The following AREL1 variants were observed in gnomAD, a reference collection of about 807,000 sequenced individuals.
The protein encoded by AREL1 is apoptosis resistant E3 ubiquitin protein ligase 1.
Under a neutral mutation model 99.0 loss-of-function variants are expected in AREL1, and 62 were observed. The ratio of observed to expected loss-of-function variants is 0.63; its 90% CI spans 0.51 to 0.77. AREL1 has a LOEUF of 0.77. AREL1 is among the 30% of genes least tolerant of loss of function. AREL1 has a pLI of 0.00. For missense variants in AREL1, 879 were observed against 1,027.6 expected, an observed-to-expected ratio of 0.86 and a Z score of 1.98; for synonymous variants, 380 against 376.5, an observed-to-expected ratio of 1.01 and a Z score of -0.11.
At position 74,670,834 on chromosome 14, in the gene AREL1, C is replaced by G; in HGVS notation, c.1536G>C (p.Glu512Asp). 1 of 1,614,142 alleles carries G rather than the reference C, an allele frequency of 6.2e-7. No individual in the cohort carries two copies. The highest frequency in any genetic ancestry group is 8.5e-7 in the Non-Finnish European group (1 of 1,179,998). Reference protein sequence around the residue: ...DWGGPRREWFELICKALFDTT... With the variant: ...DWGGPRREWFDLICKALFDTT... ...TATCAAATAGTGCTTTGCAGATTAG[C>G]TCAAACCATTCCCGGCGAGGCCCTC... The change falls in exon 13 of 20, where the codon GAG becomes GAC. Residue 512 changes from glutamate to aspartate, a missense_variant. Glu to Asp is a conservative substitution (Grantham distance 45). Coordinates refer to ENST00000356357, the MANE Select transcript of AREL1 (RefSeq NM_001039479.2).
rs1256727697 is a variant in AREL1, at chr14:74,663,798, T to C, written c.2394A>G (p.Thr798=). Residue 798 remains threonine (T), a synonymous_variant, in exon 20 of 20, where the codon ACA becomes ACG. Transcript: ENST00000356357. ...HTCFNQLCLP[T]YDSYEEVHRM... is the part of the protein sequence containing the mutation. ...TGTGCACCTCTTCATAGGAGTCATATGTAGGGAGGCACAGCTGGTTAAAAC... is the reference window on the plus strand; with the variant it reads ...TGTGCACCTCTTCATAGGAGTCATACGTAGGGAGGCACAGCTGGTTAAAAC... The C allele has an allele frequency of 1.2e-6, 2 of 1,614,010 alleles. No homozygotes were observed. Among genetic ancestry groups the C allele is most frequent in the Non-Finnish European group, 1.7e-6 (2 of 1,180,014 alleles).
chr14:74,663,669 C>A lies in AREL1; in HGVS notation c.*51G>T, dbSNP rs747808877. Reference sequence around the variant, plus strand: ...CAGTGGTTATGATGTCTGTAACTTGCGCCCAGAAGCTCCAGAGAGCATGGG... The same window carrying A: ...CAGTGGTTATGATGTCTGTAACTTGAGCCCAGAAGCTCCAGAGAGCATGGG... On this transcript the variant is annotated 3_prime_UTR_variant, in exon 20 of 20. Transcript: ENST00000356357. 6.5e-7 allele frequency: 1 copy of A among 1,546,408 alleles called. No individual in the cohort carries two copies. Among genetic ancestry groups the A allele is most frequent in the South Asian group, 1.1e-5 (1 of 89,412 alleles).
At chr14:74,685,770 A>G in intron 2 of AREL1, 110 bp from the exon 3 acceptor site, 1 of 863,894 alleles carries the variant, frequency 1.2e-6, no homozygotes, top group South Asian at 1.7e-5. Context: ...TCTCTAGTCC[A>G]GAGCCTTACT....
At chr14:74,667,682 G>C (rs971092895) in intron 15 of AREL1, 88 bp from the exon 16 acceptor site, 5 of 1,477,680 alleles carry the variant, frequency 3.4e-6, no homozygotes, top group Non-Finnish European at 4.5e-6. Context: ...TATAGACACA[G>C]ATTACTGACC....
chr14:74,687,865 A>G (rs2089780999), intron 2 of AREL1, among the ~76,000 whole-genome samples: 1 of 152,110 alleles, frequency 6.6e-6, no homozygotes. Context: ...AGAGAAATGC[A>G]TCTGAATTTC....
chr14:74,698,587 G>C (rs2090018907), intron 1 of AREL1, among the ~76,000 whole-genome samples: 1 of 152,184 alleles, frequency 6.6e-6, no homozygotes, highest in Non-Finnish European at 1.5e-5. Context: ...TAACCTCAAT[G>C]AACTTGGTCC....
chr14:74,683,542 G>A lies in AREL1; in HGVS notation c.244-9C>T. On this transcript the variant is annotated splice_polypyrimidine_tract_variant and intron_variant, in intron 4 of 19. Coordinates refer to ENST00000356357, the MANE Select transcript of AREL1 (RefSeq NM_001039479.2). ...CCGTTCTTATAGAATAACTGCCATG[G>A]GGAGAAGAAGGACACCTGTTAGCAA... The A allele has an allele frequency of 6.2e-7, 1 of 1,612,126 alleles. No individual in the cohort carries two copies. The highest frequency in any genetic ancestry group is 8.5e-7 in the Non-Finnish European group (1 of 1,178,296).
intron 5 of AREL1, 84 bp from the exon 6 acceptor site, chr14:74,676,836 G>T: frequency 8.6e-7 from 1 of 1,160,196 alleles, no homozygotes; most frequent in Non-Finnish European, 1.1e-6. Context: ...TCGCTCTTTC[G>T]CCCAGGCTGG....
chr14:74,701,250 A>G (rs1202887372), intron 1 of AREL1, among the ~76,000 whole-genome samples: 1 of 152,184 alleles, frequency 6.6e-6, no homozygotes, highest in African/African-American at 2.4e-5. Context: ...AAGGAGGCAA[A>G]GCAAACATGA....
At chr14:74,682,678 G>A (rs914436744) in intron 5 of AREL1, among the ~76,000 whole-genome samples, 1 of 152,302 alleles carries the variant, frequency 6.6e-6, no homozygotes, top group South Asian at 2.1e-4. Context: ...GGTCATAGGG[G>A]AGGATCCCTC....
chr14:74,666,848 T>C (rs1446359811), intron 17 of AREL1, among the ~76,000 whole-genome samples: 1 of 151,928 alleles, frequency 6.6e-6, no homozygotes, highest in African/African-American at 2.4e-5. Flanking sequence ...GCTTCCCAAG[T>C]AGCTGGGATT....
chr14:74,676,849 T>C (rs753849175), intron 5 of AREL1, 97 bp from the exon 6 acceptor site: 113 of 1,012,434 alleles, frequency 1.1e-4, no homozygotes, highest in Non-Finnish European at 1.4e-4. Context: ...CAGGCTGGAG[T>C]GCAGTGGCGC....
Position 74,670,807 on chromosome 14 carries a change from G to A in AREL1, c.1563C>T (p.Thr521=), listed in dbSNP as rs17853115. 49 of 1,613,968 alleles carry A rather than the reference G, an allele frequency of 3.0e-5. No homozygotes were observed. Among genetic ancestry groups the A allele is most frequent in the Non-Finnish European group, 4.0e-5 (47 of 1,179,996 alleles). The change falls in exon 13 of 20, where the codon ACC becomes ACT. Residue 521 remains threonine, a synonymous_variant. Coordinates refer to ENST00000356357, the MANE Select transcript of AREL1 (RefSeq NM_001039479.2). The part of the protein sequence containing the change: ...FELICKALFD[T]TNQLFTRFSD... ...TGAACCGGGTGAAGAGCTGATTGGT[G>A]GTATCAAATAGTGCTTTGCAGATTA...
intron 1 of AREL1, among the ~76,000 whole-genome samples, chr14:74,694,990 G>GAAAAA (rs548884827): frequency 4.8e-5 from 4 of 82,816 alleles, no homozygotes; most frequent in Admixed American, 1.5e-4. Context: ...CTCTGTCTCG[G>GAAAAA]AAAAAAAAAA....
chr14:74,684,860 G>T (rs1421447786), intron 3 of AREL1, among the ~76,000 whole-genome samples, 180 bp from the exon 4 acceptor site: 1 of 152,184 alleles, frequency 6.6e-6, no homozygotes, highest in Admixed American at 6.5e-5. Context: ...TACACCAGGG[G>T]TCAGTAACTA....
chr14:74,712,884 G>T, intron 1 of AREL1, 49 bp downstream of exon 1: 1 of 567,754 alleles, frequency 1.8e-6, no homozygotes, highest in Non-Finnish European at 3.3e-6. Context: ...TGGAACTCTG[G>T]TAAAGGCAGG....
At chr14:74,665,942 A>C (rs528998278) in intron 17 of AREL1, among the ~76,000 whole-genome samples, 88 of 152,344 alleles carry the variant, frequency 5.8e-4, no homozygotes, top group African/African-American at 2.0e-3. Flanking sequence ...CTTTCTACTT[A>C]CTTCTACAAA....
chr14:74,678,850 C>A (rs1419456043), intron 5 of AREL1, among the ~76,000 whole-genome samples: 1 of 152,144 alleles, frequency 6.6e-6, no homozygotes, highest in Non-Finnish European at 1.5e-5. Flanking sequence ...TTCTTAGACA[C>A]CAACAGTTTG....
At chr14:74,698,879 C>CTGGGTGTG (rs2090024789) in intron 1 of AREL1, 2 of 156,724 alleles carry the variant, frequency 1.3e-5, no homozygotes, top group African/African-American at 6.2e-5. Context: ...AAAAAAAAAG[C>CTGGGTGTG]TGGGTGTGGT....
Sources: allele counts gnomAD v4.1 joint callset (sites outside exome capture counted in the v4.1 genomes callset), GRCh38; gene constraint gnomAD v4.1.1; transcripts MANE v1.5; gene names NCBI Gene and HGNC (gene_info 2026-07-23, HGNC 2026-07-21).